Variants in ELP3 observed in about 807,000 individuals in gnomAD.
The protein encoded by ELP3 is elongator acetyltransferase complex subunit 3.
Under a neutral mutation model 74.9 loss-of-function variants are expected in ELP3, and 56 were observed. The observed-to-expected ratio is 0.75, with a 90% CI of 0.60 to 0.93. ELP3 has a LOEUF of 0.93. Ranked by LOEUF, ELP3 falls within the 40% of genes least tolerant of loss-of-function variation. The probability of loss-of-function intolerance (pLI) is 0.00; values close to 1 mark genes in which losing one functional copy is unlikely to be tolerated. For synonymous variants in ELP3, 222 were observed against 239.8 expected (o/e 0.93, Z 0.68); for missense variants, 573 against 686.5 (o/e 0.83, Z 1.85).
chr8:28,144,563 T>A (rs902596396), intron 10 of ELP3, among the ~76,000 whole-genome samples: 1 of 152,238 alleles, frequency 6.6e-6, no homozygotes, highest in Admixed American at 6.5e-5. Flanking sequence ...GAGGCTGCAA[T>A]AAGATGTAAT....
intron 3 of ELP3, 135 bp from the exon 4 acceptor site, chr8:28,106,578 C>T (rs1015147518): frequency 1.4e-5 from 7 of 483,278 alleles, no homozygotes; most frequent in African/African-American, 1.2e-4. Context: ...GAAATACAGC[C>T]TCGTCAATAC....
At chr8:28,098,080 C>G (rs939097319) in intron 2 of ELP3, among the ~76,000 whole-genome samples, 2 of 152,164 alleles carry the variant, frequency 1.3e-5, no homozygotes, top group Non-Finnish European at 2.9e-5. Flanking sequence ...GGCCCCTGAT[C>G]TAATCCAACC....
In ELP3 at chr8:28,190,437, A is replaced by G. The variant is rs1195814469; in HGVS notation, c.*712A>G. 1 of 152,142 alleles carries G rather than the reference A, an allele frequency of 6.6e-6. No homozygotes were observed. The allele number at this position is 152,142 out of a possible 1,614,324, so 9.4% of individuals were successfully genotyped here. ...TCTACTTCCCACCCTCTTGGCAACT[A>G]CAGAGCAGTGTGGGCAGCCCCAAGT... On this transcript the variant is annotated 3_prime_UTR_variant, in exon 15 of 15. Coordinates refer to ENST00000256398, the MANE Select transcript of ELP3 (RefSeq NM_018091.6).
At chr8:28,182,245 T>A (rs1431493849) in intron 14 of ELP3, among the ~76,000 whole-genome samples, 1 of 152,142 alleles carries the variant, frequency 6.6e-6, no homozygotes, top group African/African-American at 2.4e-5. Flanking sequence ...TAAAATAGAA[T>A]CACAGCAGAA....
At chr8:28,121,715 C>T (rs1465968672) in intron 7 of ELP3, among the ~76,000 whole-genome samples, 3 of 152,204 alleles carry the variant, frequency 2.0e-5, no homozygotes, top group Admixed American at 6.5e-5. Context: ...ACTAAATTCA[C>T]TACTTAATTC....
At chr8:28,120,201 A>G (rs1039087951) in intron 7 of ELP3, among the ~76,000 whole-genome samples, 1 of 152,236 alleles carries the variant, frequency 6.6e-6, no homozygotes, top group East Asian at 1.9e-4. Context: ...ACTCCCACCA[A>G]TAATGTATGA....
intron 3 of ELP3, 108 bp downstream of exon 3, chr8:28,100,074 C>G (rs1811415607): frequency 7.2e-7 from 1 of 1,383,152 alleles, no homozygotes; most frequent in African/African-American, 1.4e-5. Flanking sequence ...GGATTCTGAA[C>G]TAATGAAGTC....
intron 14 of ELP3, among the ~76,000 whole-genome samples, chr8:28,167,165 A>G (rs1814337864): frequency 6.6e-6 from 1 of 152,202 alleles, no homozygotes; most frequent in South Asian, 2.1e-4. Flanking sequence ...GGGTGATTAA[A>G]TGAGTCACTA....
intron 3 of ELP3, among the ~76,000 whole-genome samples, chr8:28,102,360 A>C (rs1053892426): frequency 6.6e-6 from 1 of 152,134 alleles, no homozygotes; most frequent in Non-Finnish European, 1.5e-5. Flanking sequence ...TGTGAAATGC[A>C]TTTTCCGTTC....
At chr8:28,104,889 A>T (rs1811626386) in intron 3 of ELP3, among the ~76,000 whole-genome samples, 1 of 152,200 alleles carries the variant, frequency 6.6e-6, no homozygotes, top group Admixed American at 6.5e-5. Flanking sequence ...GTTTCTCATC[A>T]CGTACCCAGT....
intron 7 of ELP3, among the ~76,000 whole-genome samples, chr8:28,125,187 C>T (rs564738769): frequency 6.0e-4 from 92 of 152,282 alleles, no homozygotes; most frequent in African/African-American, 2.1e-3. Flanking sequence ...TCTGGCTGTT[C>T]AAAGAAGTGA....
chr8:28,180,410 A>G (rs1814958127), intron 14 of ELP3, among the ~76,000 whole-genome samples: 1 of 152,188 alleles, frequency 6.6e-6, no homozygotes, highest in South Asian at 2.1e-4. Flanking sequence ...CCATTGATGC[A>G]TTGGTCCCAC....
chr8:28,184,685 A>T (rs1023802226), intron 14 of ELP3, among the ~76,000 whole-genome samples: 2 of 152,182 alleles, frequency 1.3e-5, no homozygotes, highest in African/African-American at 4.8e-5. Flanking sequence ...AGGTTGATGC[A>T]TATTTTTGGA....
intron 10 of ELP3, among the ~76,000 whole-genome samples, chr8:28,145,821 G>A (rs188800197): frequency 1.3e-5 from 2 of 152,026 alleles, no homozygotes; most frequent in African/African-American, 4.8e-5. Flanking sequence ...ACGGGGTTTC[G>A]CCATGTCGGC....
chr8:28,127,396 A>G (rs1223781327), intron 7 of ELP3, among the ~76,000 whole-genome samples: 1 of 152,182 alleles, frequency 6.6e-6, no homozygotes, highest in Non-Finnish European at 1.5e-5. Context: ...CAGGTTTTTT[A>G]AAAATACCAG....
chr8:28,106,184 G>A (rs1037367414), intron 3 of ELP3, among the ~76,000 whole-genome samples: 15 of 152,118 alleles, frequency 9.9e-5, no homozygotes, highest in Middle Eastern at 3.4e-3. Flanking sequence ...TATTACATAC[G>A]GACAATTTAA....
intron 14 of ELP3, among the ~76,000 whole-genome samples, chr8:28,174,507 G>C (rs1005831141): frequency 6.6e-6 from 1 of 152,024 alleles, no homozygotes; most frequent in Non-Finnish European, 1.5e-5. Context: ...TACCAAGTGA[G>C]TTTTAATAGT....
At chr8:28,135,260 G>A (rs1812941174) in intron 9 of ELP3, among the ~76,000 whole-genome samples, 1 of 152,210 alleles carries the variant, frequency 6.6e-6, no homozygotes. Context: ...AAGAGTAGGG[G>A]TTTGAAAAGC....
chr8:28,091,283 T>C (rs1347765802), upstream of ELP3, among the ~76,000 whole-genome samples: 1 of 152,134 alleles, frequency 6.6e-6, no homozygotes, highest in South Asian at 2.1e-4. Flanking sequence ...ATGTTAACAC[T>C]GGTTAGCAGC....
Sources: allele counts gnomAD v4.1 joint callset (sites outside exome capture counted in the v4.1 genomes callset), GRCh38; gene constraint gnomAD v4.1.1; transcripts MANE v1.5; gene names NCBI Gene and HGNC (gene_info 2026-07-23, HGNC 2026-07-21).